The following NTAQ1 variants were observed in gnomAD, a reference collection of about 807,000 sequenced individuals.
NTAQ1 encodes the protein N-terminal glutamine amidase 1.
Under a neutral mutation model 28.2 loss-of-function variants are expected in NTAQ1, and 21 were observed. That is an observed-to-expected ratio of 0.74 (90% CI 0.53 to 1.07). The LOEUF (loss-of-function observed/expected upper bound fraction) is 1.07. Ranked by LOEUF, NTAQ1 falls within the 50% of genes least tolerant of loss-of-function variation. NTAQ1 has a pLI of 0.00. For synonymous variants in NTAQ1, 105 were observed against 90.0 expected (o/e 1.17, Z -0.94); for missense variants, 264 against 256.6 (o/e 1.03, Z -0.20).
intron 5 of NTAQ1, among the ~76,000 whole-genome samples, chr8:123,439,632 C>T (rs1814928011): frequency 1.3e-5 from 2 of 152,024 alleles, no homozygotes; most frequent in Non-Finnish European, 2.9e-5. Context: ...AGGCGTGAGC[C>T]ACCGCGCCGG....
intron 6 of NTAQ1, among the ~76,000 whole-genome samples, chr8:123,457,309 C>T (rs1471101959): frequency 6.6e-5 from 10 of 152,080 alleles, no homozygotes; most frequent in Middle Eastern, 3.4e-3. Flanking sequence ...TCAAGTGATC[C>T]GCCTGCCTCG....
At chr8:123,475,139 A>G in the NTAQ1 span, among the ~76,000 whole-genome samples, 2 of 152,162 alleles carry the variant, frequency 1.3e-5, no homozygotes, top group Non-Finnish European at 2.9e-5. Context: ...TATGGGTTAT[A>G]ATCGAACACT....
downstream of NTAQ1, among the ~76,000 whole-genome samples, chr8:123,443,862 T>G (rs7839404): frequency 6.6e-6 from 1 of 152,170 alleles, no homozygotes; most frequent in African/African-American, 2.4e-5. Context: ...TGTGAGCCAC[T>G]GCGCCTGGCC....
chr8:123,423,263 T>C (rs1813826536), intron 1 of NTAQ1, among the ~76,000 whole-genome samples: 1 of 144,802 alleles, frequency 6.9e-6, no homozygotes, highest in Non-Finnish European at 1.5e-5. Context: ...TTCCCTCCTT[T>C]CTTTCTGTCT....
At chr8:123,433,146 A>G (rs1351148017) in intron 3 of NTAQ1, among the ~76,000 whole-genome samples, 1 of 152,190 alleles carries the variant, frequency 6.6e-6, no homozygotes, top group East Asian at 1.9e-4. Flanking sequence ...CAACTCAGAG[A>G]GTGAGGCCGC....
At chr8:123,421,779 C>T (rs1172235041) in intron 1 of NTAQ1, among the ~76,000 whole-genome samples, 1 of 151,708 alleles carries the variant, frequency 6.6e-6, no homozygotes, top group Non-Finnish European at 1.5e-5. Context: ...AGCTCCGTCT[C>T]CTGGGTTCAC....
chr8:123,459,364 C>T (rs1474966957), intron 6 of NTAQ1, among the ~76,000 whole-genome samples: 4 of 152,128 alleles, frequency 2.6e-5, no homozygotes, highest in Non-Finnish European at 5.9e-5. Flanking sequence ...AGCACATGGA[C>T]GTGTTCTGCT....
Position 123,416,899 on chromosome 8 carries a change from C to T in NTAQ1, c.50C>T (p.Pro17Leu), listed in dbSNP as rs754217111. 7.9e-6 allele frequency: 12 copies of T among 1,526,168 alleles called. No homozygotes were observed. The South Asian group carries it at 1.1e-4, about 14-fold the overall frequency. 94.5% of individuals were successfully genotyped at this position (1,526,168 alleles called of 1,614,324 possible). Residue 17 changes from proline to leucine, a missense_variant, in exon 1 of 6, where the codon CCG (proline) becomes CTG (leucine). Pro to Leu is a moderately conservative substitution (Grantham distance 98). Transcript: ENST00000287387. The stretch of plus-strand genomic sequence containing the variant: ...GTCCACTACCAGCCGGCCAGCCCCC[C>T]GCGGGACGCCTGCGTCTACAGCAGC... The part of the protein sequence containing the change: ...AAVHYQPASP[P>L]RDACVYSSCY...
chr8:123,438,297 C>T, intron 5 of NTAQ1: 2 of 656,174 alleles, frequency 3.0e-6, no homozygotes, highest in Non-Finnish European at 5.5e-6. Flanking sequence ...CTGGATAATA[C>T]AGTCTGTGTG....
rs752187972 is a variant in NTAQ1, at chr8:123,436,443, T to C, written c.235-10T>C. The C allele has an allele frequency of 6.2e-7, 1 of 1,612,162 alleles. No individual in the cohort carries two copies. The highest frequency in any genetic ancestry group is 8.5e-7 in the Non-Finnish European group (1 of 1,179,162). On this transcript the variant is annotated splice_polypyrimidine_tract_variant and intron_variant, in intron 3 of 5. Transcript: ENST00000287387. The stretch of plus-strand genomic sequence containing the variant: ...GTAACTTGGTTAACTTCAGCAACTT[T>C]TACTTTTAGGATTACCATGTTGTTT...
At chr8:123,418,537 G>T (rs181236821) in intron 1 of NTAQ1, among the ~76,000 whole-genome samples, 7 of 152,250 alleles carry the variant, frequency 4.6e-5, no homozygotes, top group African/African-American at 1.7e-4. Context: ...ATAAAGGATG[G>T]TGACTTATCT....
At chr8:123,449,998 C>A (rs1815442606), downstream of NTAQ1, among the ~76,000 whole-genome samples, 1 of 96,134 alleles carries the variant, frequency 1.0e-5, no homozygotes, top group Admixed American at 1.3e-4. Flanking sequence ...GTCCCAGAGT[C>A]AAGTGGAGAG....
chr8:123,425,297 G>C (rs1813980440), intron 1 of NTAQ1, among the ~76,000 whole-genome samples: 1 of 151,870 alleles, frequency 6.6e-6, no homozygotes, highest in African/African-American at 2.4e-5. Context: ...TCACCATATT[G>C]GCCAGACTGG....
intron 1 of NTAQ1, among the ~76,000 whole-genome samples, chr8:123,423,441 T>C (rs4870852): frequency 3.0e-4 from 20 of 66,684 alleles, no homozygotes; most frequent in East Asian, 2.0e-3. Flanking sequence ...CTCTTTTTCT[T>C]TCTTTCTTTC....
At chr8:123,425,643 C>A (rs1814006536) in intron 1 of NTAQ1, among the ~76,000 whole-genome samples, 1 of 152,212 alleles carries the variant, frequency 6.6e-6, no homozygotes, top group African/African-American at 2.4e-5. Flanking sequence ...AGAGTGTCTA[C>A]TTCTGTAAGA....
Position 123,429,496 on chromosome 8 carries a change from C to T in NTAQ1, c.184-487C>T, listed in dbSNP as rs189349645. ...CTGAGGCGGGCAGATCTCTTGAAGC[C>T]AAGAGTTCAAGGCTGCAGTATACTA... On this transcript the variant is annotated intron_variant, in intron 2 of 5. Coordinates refer to ENST00000287387, the MANE Select transcript of NTAQ1 (RefSeq NM_018024.3). Among the ~76,000 whole-genome samples the T allele has an allele frequency of 1.8e-4, 27 of 152,218 alleles. No homozygotes were observed. In the East Asian group the frequency reaches 5.2e-3, roughly 29 times the overall value.
chr8:123,420,061 C>G (rs1200786019), intron 1 of NTAQ1, among the ~76,000 whole-genome samples: 1 of 152,044 alleles, frequency 6.6e-6, no homozygotes, highest in Non-Finnish European at 1.5e-5. Context: ...TCCTCACCCT[C>G]CTGTCACCCT....
intron 3 of NTAQ1, among the ~76,000 whole-genome samples, chr8:123,432,866 G>A (rs534646828): frequency 2.0e-5 from 3 of 152,070 alleles, no homozygotes; most frequent in South Asian, 4.1e-4. Flanking sequence ...TTTTAGTAGA[G>A]ATGGGATTTT....
chr8:123,428,379 G>A (rs906277727), intron 2 of NTAQ1, among the ~76,000 whole-genome samples: 2 of 151,918 alleles, frequency 1.3e-5, no homozygotes, highest in African/African-American at 4.8e-5. Context: ...GTATTTTTTA[G>A]TAGAGATGGG....
Sources: gnomAD v4.1 joint callset for allele counts (sites outside exome capture counted in the v4.1 genomes callset) on GRCh38, gnomAD v4.1.1 for gene constraint, MANE v1.5 for transcripts, NCBI Gene and HGNC (gene_info 2026-07-23, HGNC 2026-07-21) for gene names.